RFX3: variants seen among roughly 807,000 people sequenced by gnomAD.
RFX3 encodes regulatory factor X3.
RFX3 carries 14 observed loss-of-function variants against 98.6 expected under a neutral mutation model. That is an observed-to-expected ratio of 0.14 (90% confidence interval 0.09 to 0.22). The LOEUF is 0.22. Among genes scored for constraint, RFX3 ranks in the 10% least tolerant of loss-of-function variants. The pLI is 1.00. For synonymous variants in RFX3, 383 were observed against 328.4 expected (o/e 1.17, Z -1.80); for missense variants, 639 against 926.9 (o/e 0.69, Z 4.03).
chr9:3,369,576 A>G (rs1217686124), intron 2 of RFX3, among the ~76,000 whole-genome samples: 1 of 152,222 alleles, frequency 6.6e-6, no homozygotes, highest in African/African-American at 2.4e-5. Flanking sequence ...TTACAAGAAT[A>G]AAAGTAATTG....
intron 1 of RFX3, among the ~76,000 whole-genome samples, chr9:3,472,374 A>C (rs1587791438): frequency 6.6e-6 from 1 of 152,300 alleles, no homozygotes; most frequent in East Asian, 1.9e-4. Context: ...CCATCTATAA[A>C]ATCTAGATAA....
chr9:3,447,211 G>T (rs534640027), intron 1 of RFX3, among the ~76,000 whole-genome samples: 1 of 151,896 alleles, frequency 6.6e-6, no homozygotes, highest in African/African-American at 2.4e-5. Flanking sequence ...GAATTAAAAT[G>T]TCTTTTAAAA....
At chr9:3,405,983 C>G (rs1262318434) in intron 1 of RFX3, among the ~76,000 whole-genome samples, 4 of 151,986 alleles carry the variant, frequency 2.6e-5, no homozygotes, top group Non-Finnish European at 5.9e-5. Flanking sequence ...GAGACAAGGT[C>G]TCACTCTGTT....
chr9:3,494,121 T>C (rs1850943453), intron 1 of RFX3, among the ~76,000 whole-genome samples: 1 of 152,106 alleles, frequency 6.6e-6, no homozygotes, highest in Admixed American at 6.6e-5. Context: ...TCAAATCACT[T>C]TGTGGAATTA....
chr9:3,219,074 T>TA lies in RFX3; in HGVS notation c.*5967dup, dbSNP rs1276272149. On this transcript the variant is annotated 3_prime_UTR_variant, in exon 17 of 17. Transcript: ENST00000617270. ...TCCAAGTTTTCTCAAGGCACTCACT[T>TA]AAAGTTTCTGTAACCAATGCATTGG... 6.6e-6 allele frequency: 1 copy of TA among 152,250 alleles called. No homozygotes were observed. The highest frequency in any genetic ancestry group is 2.1e-4 in the South Asian group (1 of 4,830). 9.4% of individuals were successfully genotyped at this position (152,250 alleles called of 1,614,324 possible).
At chr9:3,506,760 A>C (rs1357226050) in intron 1 of RFX3, among the ~76,000 whole-genome samples, 1 of 151,854 alleles carries the variant, frequency 6.6e-6, no homozygotes, top group East Asian at 1.9e-4. Flanking sequence ...AAAAGGTAAG[A>C]AGAAAAAGAC....
chr9:3,358,215 A>G (rs1835998232), intron 2 of RFX3, among the ~76,000 whole-genome samples: 1 of 152,186 alleles, frequency 6.6e-6, no homozygotes, highest in South Asian at 2.1e-4. Context: ...GTTTAGATAC[A>G]AATCATGGTT....
At chr9:3,269,510 A>T (rs1824094844) in intron 11 of RFX3, among the ~76,000 whole-genome samples, 1 of 152,136 alleles carries the variant, frequency 6.6e-6, no homozygotes, top group Non-Finnish European at 1.5e-5. Flanking sequence ...CTCATTTCTT[A>T]AAAAGTTAAG....
chr9:3,230,939 C>A (rs114686864), intron 15 of RFX3, among the ~76,000 whole-genome samples: 2 of 152,162 alleles, frequency 1.3e-5, no homozygotes, highest in African/African-American at 2.4e-5. Context: ...CTACTTAACT[C>A]CGAAAACATG....
chr9:3,435,802 TAAAAAAAAAAAA>T (rs34925429), intron 1 of RFX3, among the ~76,000 whole-genome samples: 2 of 97,636 alleles, frequency 2.0e-5, no homozygotes, highest in South Asian at 3.2e-4. Flanking sequence ...ATCTGCATTG[TAAAAAAAAAAAA>T]AAAAAAAAAA....
intron 7 of RFX3, among the ~76,000 whole-genome samples, chr9:3,279,485 T>C (rs932634429): frequency 2.0e-5 from 3 of 151,834 alleles, no homozygotes; most frequent in East Asian, 1.9e-4. Context: ...TAATACAGGA[T>C]TGCAAAATTA....
At chr9:3,493,704 T>A (rs568412461) in intron 1 of RFX3, among the ~76,000 whole-genome samples, 113 of 111,628 alleles carry the variant, frequency 1.0e-3, no homozygotes, top group East Asian at 1.3e-3. Context: ...AAAAAAAATA[T>A]ATATATATAT....
At chr9:3,336,794 A>T (rs1833237650) in intron 3 of RFX3, among the ~76,000 whole-genome samples, 1 of 152,232 alleles carries the variant, frequency 6.6e-6, no homozygotes, top group Admixed American at 6.5e-5. Context: ...AGGTCACAAC[A>T]GCATTTAAAA....
At chr9:3,517,981 C>A (rs1452919978) in intron 1 of RFX3, among the ~76,000 whole-genome samples, 1 of 152,190 alleles carries the variant, frequency 6.6e-6, no homozygotes, top group Non-Finnish European at 1.5e-5. Flanking sequence ...AACTAAACAT[C>A]TTGACACAAT....
intron 7 of RFX3, among the ~76,000 whole-genome samples, chr9:3,284,787 AG>A (rs1826360696): frequency 6.6e-6 from 1 of 151,734 alleles, no homozygotes; most frequent in South Asian, 2.1e-4. Context: ...CCTTTATTTT[AG>A]GTAAAATGGC....
At chr9:3,463,716 A>C (rs532405848) in intron 1 of RFX3, among the ~76,000 whole-genome samples, 2 of 152,272 alleles carry the variant, frequency 1.3e-5, no homozygotes, top group African/African-American at 4.8e-5. Context: ...CATGCTTATA[A>C]TCCCAACACT....
In RFX3 at chr9:3,346,693, G is replaced by A. The variant is rs374523798; in HGVS notation, c.189C>T (p.Ser63=). Residue 63 remains serine (S), a synonymous_variant, in exon 3 of 17, where the codon AGC becomes AGT. Coordinates refer to ENST00000617270, the MANE Select transcript of RFX3 (RefSeq NM_001282116.2). ...YPAQVQYVEG[S]DTVYTNGAIR... is the part of the protein sequence containing the mutation. The stretch of plus-strand genomic sequence containing the variant: ...TTGCTCCATTGGTATAGACAGTATC[G>A]CTTCCTTCCACATACTGCACCTGAG... 6.5e-5 allele frequency: 105 copies of A among 1,611,084 alleles called. No individual in the cohort carries two copies. Among genetic ancestry groups the A allele is most frequent in the Non-Finnish European group, 2.0e-5 (23 of 1,177,444 alleles).
intron 2 of RFX3, among the ~76,000 whole-genome samples, chr9:3,355,538 G>A (rs1206455262): frequency 6.6e-6 from 1 of 151,832 alleles, no homozygotes; most frequent in Admixed American, 6.6e-5. Context: ...CAGAGTTTCA[G>A]AAGACATGAA....
intron 4 of RFX3, among the ~76,000 whole-genome samples, chr9:3,322,630 G>T (rs1386260074): frequency 6.6e-6 from 1 of 152,164 alleles, no homozygotes; most frequent in African/African-American, 2.4e-5. Flanking sequence ...TTACTAGGGA[G>T]GCTGAGATAG....
Sources: gnomAD v4.1 joint callset for allele counts (sites outside exome capture counted in the v4.1 genomes callset) on GRCh38, gnomAD v4.1.1 for gene constraint, MANE v1.5 for transcripts, NCBI Gene and HGNC (gene_info 2026-07-23, HGNC 2026-07-21) for gene names.